Variants in ZMYM1 observed in about 807,000 individuals in gnomAD.
The protein encoded by ZMYM1 is zinc finger MYM-type containing 1.
In ZMYM1, 39 loss-of-function variants were observed where a neutral mutation model predicts 60.0. That is an observed-to-expected ratio of 0.65 (90% CI 0.50 to 0.85). The LOEUF is 0.85. ZMYM1 is among the 40% of genes least tolerant of loss of function. The pLI is 0.00. For missense variants in ZMYM1, 1,171 were observed against 1,309.5 expected (o/e 0.89, Z 1.63); for synonymous variants, 413 against 454.0 (o/e 0.91, Z 1.15).
intron 6 of ZMYM1, among the ~76,000 whole-genome samples, chr1:35,107,898 CAGG>C (rs1643946532): frequency 6.6e-6 from 1 of 152,138 alleles, no homozygotes; most frequent in Non-Finnish European, 1.5e-5. Context: ...CACTTGAGGT[CAGG>C]AGTTCAAGAC....
intron 2 of ZMYM1, among the ~76,000 whole-genome samples, chr1:35,095,463 C>T (rs1252544476): frequency 6.7e-6 from 1 of 149,532 alleles, no homozygotes; most frequent in Non-Finnish European, 1.5e-5. Flanking sequence ...TGTACTCCAG[C>T]CTGGGTGACA....
In ZMYM1 at chr1:35,112,967, T is replaced by G; in HGVS notation, c.1147-10T>G. On this transcript the variant is annotated splice_polypyrimidine_tract_variant and intron_variant, in intron 9 of 9. Transcript: ENST00000359858. ...ACTGTTAAATGTTCTTTTCTCATTT[T>G]CTCCCAAAGCTTTCTAAGAGTTCAC... The G allele has an allele frequency of 6.6e-7, 1 of 1,512,334 alleles. No individual in the cohort carries two copies. The highest frequency in any genetic ancestry group is 8.8e-7 in the Non-Finnish European group (1 of 1,133,046). 93.7% of individuals were successfully genotyped at this position (1,512,334 alleles called of 1,614,324 possible). A position where few individuals can be genotyped will look rare whatever the true frequency, so the allele number is the denominator to read the frequency against.
Position 35,097,317 on chromosome 1 carries a change from C to G in ZMYM1, c.170C>G (p.Ala57Gly). The change falls in exon 4 of 10, where the codon GCT becomes GGT. Residue 57 changes from alanine (A) to glycine (G), a missense_variant and splice_region_variant. By Grantham distance (60) the Ala-to-Gly change is moderately conservative. Transcript: ENST00000359858. ...LKINAVFSES[A>G]SQLTAGIQLS... ...TTTTCTCCCTCTTGTGTTTTTATAG[C>G]TTCACAGTTGACTGCAGGCATTCAG... is the stretch of plus-strand genomic sequence containing the variant. 1 of 1,587,530 alleles carries G rather than the reference C, an allele frequency of 6.3e-7. No individual in the cohort carries two copies. The highest frequency in any genetic ancestry group is 1.2e-5 in the South Asian group (1 of 86,598).
At chr1:35,064,831 G>T (rs1004083868) in intron 1 of ZMYM1, among the ~76,000 whole-genome samples, 2 of 151,572 alleles carry the variant, frequency 1.3e-5, no homozygotes, top group Non-Finnish European at 2.9e-5. Context: ...GGGACTACAG[G>T]CGCCCGCCAC....
At chr1:35,079,117 A>G (rs949646596), upstream of ZMYM1, 1 of 152,240 alleles carries the variant, frequency 6.6e-6, no homozygotes, top group African/African-American at 2.4e-5. Context: ...CACACAGCTA[A>G]TAAGTAGTAA....
At chr1:35,111,033 C>T (rs1465832401) in intron 7 of ZMYM1, among the ~76,000 whole-genome samples, 1 of 152,070 alleles carries the variant, frequency 6.6e-6, no homozygotes, top group Non-Finnish European at 1.5e-5. Context: ...TGAGCACCTA[C>T]TGCAAAACAT....
chr1:35,082,584 G>A lies in ZMYM1; in HGVS notation c.-75+3142G>A, dbSNP rs187750713. ...GACCTCAAGTGATCCGCCTGCCTCA[G>A]CCTCCTAAAGTGTTGGGATTACAGG... On this transcript the variant is annotated intron_variant, in intron 1 of 9. Transcript: ENST00000359858. Among the ~76,000 whole-genome samples the A allele has an allele frequency of 1.5e-3, 226 of 151,674 alleles. 1 individual carries two copies. The highest frequency in any genetic ancestry group is 1.5e-3 in the Non-Finnish European group (103 of 67,874).
At chr1:35,070,756 T>C (rs969994275) in intron 1 of ZMYM1, among the ~76,000 whole-genome samples, 1 of 152,080 alleles carries the variant, frequency 6.6e-6, no homozygotes, top group Admixed American at 6.6e-5. Context: ...GTTTGTCATA[T>C]ATGGCCTTTA....
chr1:35,105,995 C>T (rs569172945), intron 6 of ZMYM1, among the ~76,000 whole-genome samples: 57 of 152,240 alleles, frequency 3.7e-4, no homozygotes, highest in African/African-American at 1.3e-3. Context: ...GTGGCTTACA[C>T]CTGTTATCTC....
intron 1 of ZMYM1, among the ~76,000 whole-genome samples, chr1:35,089,605 TTACTCCTGTA>T (rs1433167113): frequency 7.1e-6 from 1 of 140,456 alleles, no homozygotes; most frequent in Non-Finnish European, 1.5e-5. Context: ...AGTCCTGGAA[TTACTCCTGTA>T]AGAGGTTTTT....
chr1:35,089,634 T>G (rs755285613), intron 1 of ZMYM1, among the ~76,000 whole-genome samples: 2 of 152,044 alleles, frequency 1.3e-5, no homozygotes, highest in African/African-American at 2.4e-5. Flanking sequence ...TTTGTTATTT[T>G]TTTCTTTTTT....
rs1182799401 is a variant in ZMYM1 at position 35,114,067 on chromosome 1, A to G, written c.2237A>G (p.Tyr746Cys). The change falls in exon 10 of 10, where the codon TAT (tyrosine) becomes TGT (cysteine). Residue 746 changes from tyrosine to cysteine, a missense_variant. Physicochemically the swap from Tyr to Cys is radical, Grantham distance 194. Coordinates refer to ENST00000359858, the MANE Select transcript of ZMYM1 (RefSeq NM_024772.5). The part of the protein sequence containing the change: ...EEPRALYIHC[Y>C]AHFLDLSIIR... ...CCAAGAGCTTTATACATACATTGTT[A>G]TGCACACTTTTTGGATTTATCAATA... 2.5e-6 allele frequency: 4 copies of G among 1,611,774 alleles called. No individual in the cohort carries two copies. Among genetic ancestry groups the G allele is most frequent in the South Asian group, 2.2e-5 (2 of 90,432 alleles).
intron 4 of ZMYM1, among the ~76,000 whole-genome samples, chr1:35,102,860 C>T (rs965343211): frequency 2.2e-4 from 33 of 151,912 alleles, no homozygotes; most frequent in African/African-American, 7.5e-4. Flanking sequence ...TTTTTCTCAC[C>T]CTACCACTTG....
chr1:35,071,992 C>G (rs1642076126), intron 1 of ZMYM1, among the ~76,000 whole-genome samples: 1 of 151,914 alleles, frequency 6.6e-6, no homozygotes, highest in South Asian at 2.1e-4. Context: ...ATCAAATAAG[C>G]CAGTGGTGGT....
In ZMYM1 at chr1:35,087,602, A is replaced by G. The variant is rs374228036; in HGVS notation, c.-74-6312A>G. On this transcript the variant is annotated intron_variant, in intron 1 of 9. Coordinates refer to ENST00000359858, the MANE Select transcript of ZMYM1 (RefSeq NM_024772.5). ...CCACCACGCTCGGCTAATTTTTTGTATTTTTAGTAGAGACAGGGTTTCTCC... is the reference window on the plus strand; with the variant it reads ...CCACCACGCTCGGCTAATTTTTTGTGTTTTTAGTAGAGACAGGGTTTCTCC... 1.8e-3 allele frequency among the ~76,000 whole-genome samples: 269 copies of G among 151,616 alleles called. 4 individuals are homozygous for G. The highest frequency in any genetic ancestry group is 5.6e-3 in the African/African-American group (232 of 41,374).
rs1252002438 is a variant in ZMYM1 at position 35,111,704 on chromosome 1, A to G, written c.962-68A>G. 2.8e-6 allele frequency: 4 copies of G among 1,410,566 alleles called. No homozygotes were observed. In the Admixed American group the frequency reaches 7.4e-5, roughly 26 times the overall value. 87.4% of individuals were successfully genotyped at this position (1,410,566 alleles called of 1,614,324 possible). On this transcript the variant is annotated intron_variant, in intron 7 of 9. Coordinates refer to ENST00000359858, the MANE Select transcript of ZMYM1 (RefSeq NM_024772.5). ...TGCTTGCATTATTTCTTTAAACAGTATTACTAAACAGTACTTTCTGATGAT... is the reference window on the plus strand; with the variant it reads ...TGCTTGCATTATTTCTTTAAACAGTGTTACTAAACAGTACTTTCTGATGAT...
rs966551506 is a variant in ZMYM1, at chr1:35,104,331, G to T, written c.456G>T (p.Gln152His). The T allele has an allele frequency of 3.1e-6, 5 of 1,606,406 alleles. No homozygotes were observed. Among genetic ancestry groups the T allele is most frequent in the Non-Finnish European group, 4.2e-6 (5 of 1,177,864 alleles). The change falls in exon 5 of 10, where the codon CAG becomes CAT. Residue 152 changes from glutamine to histidine, a missense_variant. By Grantham distance (24) the Gln-to-His change is conservative. Coordinates refer to ENST00000359858, the MANE Select transcript of ZMYM1 (RefSeq NM_024772.5). ...ILNPKDVISV[Q>H]LEDTTSCKTF... ...ATCCAAAGGATGTGATTAGTGTCCAGCTGGAAGACACTACCTCTTGCAAAA... is the reference window on the plus strand; with the variant it reads ...ATCCAAAGGATGTGATTAGTGTCCATCTGGAAGACACTACCTCTTGCAAAA...
chr1:35,102,006 TA>T (rs1251028527), intron 4 of ZMYM1, among the ~76,000 whole-genome samples: 13 of 152,326 alleles, frequency 8.5e-5, no homozygotes, highest in African/African-American at 3.1e-4. Context: ...AAAATACCCA[TA>T]TTTTTAAAAA....
At chr1:35,110,479 G>C in intron 7 of ZMYM1, 32 bp downstream of exon 7, 1 of 1,345,314 alleles carries the variant, frequency 7.4e-7, no homozygotes, top group Non-Finnish European at 9.7e-7. Context: ...TAGGGGTTTA[G>C]TAATTATTAA....
Sources: allele counts gnomAD v4.1 joint callset (sites outside exome capture counted in the v4.1 genomes callset), GRCh38; gene constraint gnomAD v4.1.1; transcripts MANE v1.5; gene names NCBI Gene and HGNC (gene_info 2026-07-23, HGNC 2026-07-21).